Variants in HLF observed in about 807,000 individuals in gnomAD.
HLF encodes HLF transcription factor, PAR bZIP family member.
A neutral mutation model predicts 22.6 loss-of-function variants in HLF; 3 were observed. The ratio of observed to expected loss-of-function variants is 0.13; its 90% CI spans 0.06 to 0.34. The LOEUF is 0.34. HLF is among the 10% of genes least tolerant of loss of function. The pLI, the probability that HLF is intolerant of heterozygous loss-of-function variation, is 1.00. For synonymous variants in HLF, 151 were observed against 151.8 expected, an observed-to-expected ratio of 0.99 and a Z score of 0.04; for missense variants, 299 against 389.2, an observed-to-expected ratio of 0.77 and a Z score of 1.95.
intron 2 of HLF, among the ~76,000 whole-genome samples, chr17:55,311,604 G>T (rs1478121339): frequency 3.3e-5 from 5 of 152,172 alleles, no homozygotes; most frequent in African/African-American, 4.8e-5. Flanking sequence ...TCTTACAAAT[G>T]GTGGTGCAAG....
At position 55,298,776 on chromosome 17, in the gene HLF, CT is replaced by C. The variant is rs575422706; in HGVS notation, c.452-16450del. Among the ~76,000 whole-genome samples, 14 of 152,232 alleles carry C rather than the reference CT, an allele frequency of 9.2e-5. No individual in the cohort carries two copies. In the East Asian group the frequency reaches 2.7e-3, roughly 29 times the overall value. ...TTTTATTACGTGTGTAAATCAGTGG[CT>C]GTTTGGCCATTTTTCTCCTATGTAG... is the stretch of plus-strand genomic sequence containing the variant. On this transcript the variant is annotated intron_variant, in intron 2 of 3. Transcript: ENST00000226067.
chr17:55,281,160 G>A (rs553147312), intron 2 of HLF, among the ~76,000 whole-genome samples: 2 of 152,330 alleles, frequency 1.3e-5, no homozygotes, highest in South Asian at 2.1e-4. Flanking sequence ...TTAGCCTCTT[G>A]TGAGGGATGT....
chr17:55,304,455 G>T (rs1213860629), intron 2 of HLF, among the ~76,000 whole-genome samples: 1 of 152,194 alleles, frequency 6.6e-6, no homozygotes, highest in South Asian at 2.1e-4. Context: ...TATGAGTTCC[G>T]CTGGTCTCAC....
intron 2 of HLF, among the ~76,000 whole-genome samples, chr17:55,279,857 A>G (rs983377882): frequency 6.6e-6 from 1 of 151,930 alleles, no homozygotes. Flanking sequence ...CTCAATTTTC[A>G]TATCTTTAAA....
At chr17:55,277,275 G>GTGTGCA (rs1567813142) in intron 2 of HLF, among the ~76,000 whole-genome samples, 1 of 105,866 alleles carries the variant, frequency 9.4e-6, no homozygotes, top group Non-Finnish European at 2.1e-5. Flanking sequence ...GTGTGTGTGT[G>GTGTGCA]CGCGCGCATG....
Position 55,315,457 on chromosome 17 carries a change from A to C in HLF, c.672+10A>C. ...CCCTGATGACCTGAAGGTAAATTGG[A>C]ACTGGTAATCAGTCTTTGGGCAAAT... On this transcript the variant is annotated intron_variant, in intron 3 of 3. Coordinates refer to ENST00000226067, the MANE Select transcript of HLF (RefSeq NM_002126.5). 1 of 1,599,992 alleles carries C rather than the reference A, an allele frequency of 6.3e-7. No homozygotes were observed. The highest frequency in any genetic ancestry group is 8.6e-7 in the Non-Finnish European group (1 of 1,167,244).
At position 55,321,535 on chromosome 17, in the gene HLF, CA is replaced by C; in HGVS notation, c.*658del. 1 of 228,552 alleles carries C rather than the reference CA, an allele frequency of 4.4e-6. No homozygotes were observed. The highest frequency in any genetic ancestry group is 6.3e-5 in the East Asian group (1 of 15,800). The allele number at this position is 228,552 out of a possible 1,614,324, so 14.2% of individuals were successfully genotyped here. On this transcript the variant is annotated 3_prime_UTR_variant, in exon 4 of 4. Coordinates refer to ENST00000226067, the MANE Select transcript of HLF (RefSeq NM_002126.5). ...CTACTAAGTTTCCTTTTAATTCTAC[CA>C]ACCCCAGATAAGTAAGAGTACTATT...
At chr17:55,292,240 G>C (rs1205907524) in intron 2 of HLF, among the ~76,000 whole-genome samples, 1 of 152,188 alleles carries the variant, frequency 6.6e-6, no homozygotes, top group Non-Finnish European at 1.5e-5. Context: ...ATAACACCGC[G>C]TGCTACAGAA....
At chr17:55,284,853 T>G (rs998046662) in intron 2 of HLF, among the ~76,000 whole-genome samples, 1 of 152,202 alleles carries the variant, frequency 6.6e-6, no homozygotes, top group African/African-American at 2.4e-5. Flanking sequence ...GATTAAGTCA[T>G]ATGTTGAAAG....
intron 2 of HLF, among the ~76,000 whole-genome samples, chr17:55,305,977 T>G (rs779267197): frequency 2.6e-5 from 4 of 152,256 alleles, no homozygotes; most frequent in Non-Finnish European, 5.9e-5. Flanking sequence ...TTTCCACATA[T>G]GGAAAATGGG....
chr17:55,290,833 A>G (rs2081055113), intron 2 of HLF, among the ~76,000 whole-genome samples: 1 of 152,230 alleles, frequency 6.6e-6, no homozygotes, highest in Admixed American at 6.5e-5. Context: ...GTGAATGCAA[A>G]GGAAAAGTTC....
chr17:55,286,097 C>A (rs992024858), intron 2 of HLF, among the ~76,000 whole-genome samples: 1 of 152,172 alleles, frequency 6.6e-6, no homozygotes, highest in Non-Finnish European at 1.5e-5. Flanking sequence ...AAGCTAGTTA[C>A]CCTCCCAGAT....
intron 2 of HLF, among the ~76,000 whole-genome samples, chr17:55,309,106 G>C (rs1255675113): frequency 6.6e-6 from 1 of 152,168 alleles, no homozygotes; most frequent in African/African-American, 2.4e-5. Context: ...AGGGAAATAG[G>C]CTCTGCCTGG....
chr17:55,265,836 G>T, intron 1 of HLF: 1 of 1,272,470 alleles, frequency 7.9e-7, no homozygotes, highest in Non-Finnish European at 9.9e-7. Context: ...CGGGCACCCG[G>T]CCTCCCTGGG....
intron 2 of HLF, among the ~76,000 whole-genome samples, chr17:55,289,731 A>T (rs908699226): frequency 1.2e-4 from 18 of 152,314 alleles, no homozygotes; most frequent in African/African-American, 3.8e-4. Flanking sequence ...CTATATATTC[A>T]TATGTGAATC....
rs574005089 is a variant in HLF, at chr17:55,285,282, T to G, written c.451+17196T>G. Among the ~76,000 whole-genome samples, 16 of 152,352 alleles carry G rather than the reference T, an allele frequency of 1.1e-4. No individual in the cohort carries two copies. In the South Asian group the frequency reaches 3.1e-3, roughly 30 times the overall value. ...GAGACGTGGTACCTTGGATCCCAGGTATATCCAAAGTCTTGAGAGTGTCCA... is the reference window on the plus strand; with the variant it reads ...GAGACGTGGTACCTTGGATCCCAGGGATATCCAAAGTCTTGAGAGTGTCCA... On this transcript the variant is annotated intron_variant, in intron 2 of 3. Coordinates refer to ENST00000226067, the MANE Select transcript of HLF (RefSeq NM_002126.5).
intron 2 of HLF, among the ~76,000 whole-genome samples, chr17:55,268,741 T>G (rs1218277802): frequency 6.6e-6 from 1 of 152,182 alleles, no homozygotes; most frequent in African/African-American, 2.4e-5. Context: ...TCTTATCTTT[T>G]TTTTTTTTTC....
Position 55,268,104 on chromosome 17 carries a change from T to G in HLF, c.451+18T>G. On this transcript the variant is annotated intron_variant, in intron 2 of 3. Transcript: ENST00000226067. The stretch of plus-strand genomic sequence containing the variant: ...CAGACCAGGTAAGTGCCCTGAAGAT[T>G]CTCCCTTCAGAAAGGGAGGAGGAGG... 1 of 1,491,336 alleles carries G rather than the reference T, an allele frequency of 6.7e-7. No individual in the cohort carries two copies. Among genetic ancestry groups the G allele is most frequent in the Non-Finnish European group, 9.0e-7 (1 of 1,112,058 alleles). 92.4% of individuals were successfully genotyped at this position (1,491,336 alleles called of 1,614,324 possible). A position where few individuals can be genotyped will look rare whatever the true frequency, so the allele number is the denominator to read the frequency against.
intron 2 of HLF, among the ~76,000 whole-genome samples, chr17:55,310,349 A>C (rs1480690225): frequency 2.6e-5 from 4 of 152,374 alleles, no homozygotes; most frequent in African/African-American, 9.6e-5. Flanking sequence ...TAACAAATAC[A>C]GGAGAAAAAA....
Sources: gnomAD v4.1 joint callset for allele counts (sites outside exome capture counted in the v4.1 genomes callset) on GRCh38, gnomAD v4.1.1 for gene constraint, MANE v1.5 for transcripts, NCBI Gene and HGNC (gene_info 2026-07-23, HGNC 2026-07-21) for gene names.